Variants in MME observed in about 807,000 individuals in gnomAD.
The protein encoded by MME is membrane metalloendopeptidase.
In MME, 98 loss-of-function variants were observed where a neutral mutation model predicts 113.2. That is an observed-to-expected ratio of 0.87 (90% CI 0.74 to 1.02). The LOEUF (loss-of-function observed/expected upper bound fraction) is 1.02, where lower values mean the gene tolerates loss of function less well. Among genes scored for constraint, MME ranks in the 50% least tolerant of loss-of-function variants. The probability of loss-of-function intolerance (pLI) is 0.00; values close to 1 mark genes in which losing one functional copy is unlikely to be tolerated. For missense variants in MME, 836 were observed against 896.0 expected (o/e 0.93, Z 0.86); for synonymous variants, 292 against 300.6 (o/e 0.97, Z 0.30).
At chr3:155,174,984 G>T (rs763170428) in intron 22 of MME, among the ~76,000 whole-genome samples, 4 of 151,954 alleles carry the variant, frequency 2.6e-5, no homozygotes, top group Non-Finnish European at 5.9e-5. Flanking sequence ...AGAATGAGAG[G>T]TTGCAAATTA....
intron 3 of MME, among the ~76,000 whole-genome samples, chr3:155,092,832 G>A (rs956707076): frequency 6.6e-6 from 1 of 152,160 alleles, no homozygotes; most frequent in African/African-American, 2.4e-5. Context: ...AATATTGGTT[G>A]CCTGAGGCTG....
At position 155,109,310 on chromosome 3, in the gene MME, A is replaced by G. The variant is rs147101786; in HGVS notation, c.197-5684A>G. ...TGAGGAAGGGAGGTATTTTCCCTGC[A>G]TCATCCAGCTTCAGCACCCAGCGGG... On this transcript the variant is annotated intron_variant, in intron 3 of 22. Transcript: ENST00000360490. 4.2e-3 allele frequency among the ~76,000 whole-genome samples: 632 copies of G among 152,246 alleles called. 5 individuals carry two copies. Among genetic ancestry groups the G allele is most frequent in the African/African-American group, 0.014 (590 of 41,532 alleles).
At chr3:155,126,747 C>A (rs1339081864) in intron 8 of MME, among the ~76,000 whole-genome samples, 1 of 152,028 alleles carries the variant, frequency 6.6e-6, no homozygotes, top group Non-Finnish European at 1.5e-5. Context: ...TGCCTGTAAT[C>A]TCTGCACTTT....
intron 3 of MME, among the ~76,000 whole-genome samples, chr3:155,097,781 T>A (rs1051229362): frequency 2.6e-5 from 4 of 151,784 alleles, no homozygotes; most frequent in African/African-American, 9.7e-5. Flanking sequence ...CGCCTGGGAG[T>A]GAGCTGGTAG....
chr3:155,050,331 T>TGATAGATAA (rs1416552685), intron 1 of MME, among the ~76,000 whole-genome samples: 2 of 152,226 alleles, frequency 1.3e-5, no homozygotes, highest in African/African-American at 4.8e-5. Context: ...ATAATCTATA[T>TGATAGATAA]TCCTTTGGTT....
chr3:155,084,913 A>T, intron 2 of MME, 146 bp from the exon 3 acceptor site: 1 of 491,476 alleles, frequency 2.0e-6, no homozygotes. Flanking sequence ...TTTTCTAACC[A>T]CTGACAATGA....
intron 1 of MME, among the ~76,000 whole-genome samples, chr3:155,033,171 A>G (rs1018230302): frequency 2.0e-5 from 3 of 152,206 alleles, no homozygotes; most frequent in African/African-American, 7.2e-5. Flanking sequence ...GAGTTAAGCT[A>G]TAACCTAAGA....
At chr3:155,172,791 G>C (rs1038135596) in intron 22 of MME, among the ~76,000 whole-genome samples, 179 bp downstream of exon 22, 11 of 150,692 alleles carry the variant, frequency 7.3e-5, no homozygotes, top group African/African-American at 2.7e-4. Context: ...CATAAGCATA[G>C]CCTTGGCCAC....
intron 1 of MME, among the ~76,000 whole-genome samples, chr3:155,043,306 T>A (rs577349406): frequency 6.6e-6 from 1 of 151,594 alleles, no homozygotes; most frequent in Non-Finnish European, 1.5e-5. Context: ...ATTTTTGCAG[T>A]ATTACTTATG....
At chr3:155,045,523 C>CT (rs57902267) in intron 1 of MME, among the ~76,000 whole-genome samples, 12,256 of 138,462 alleles carry the variant, frequency 0.089, 1,009 homozygotes, top group African/African-American at 0.22. Context: ...AATTAATTAT[C>CT]TTTTTTTTTT....
chr3:155,077,894 CCTT>C (rs1472695185), upstream of MME, among the ~76,000 whole-genome samples: 1 of 151,574 alleles, frequency 6.6e-6, no homozygotes, highest in Non-Finnish European at 1.5e-5. Flanking sequence ...TTAAGTAAAT[CCTT>C]TTTTTTCCTT....
At chr3:155,075,112 G>A (rs1714703263), upstream of MME, among the ~76,000 whole-genome samples, 1 of 149,858 alleles carries the variant, frequency 6.7e-6, no homozygotes, top group African/African-American at 2.5e-5. Flanking sequence ...ATTATTTTTT[G>A]TAGTATTTAC....
At chr3:155,170,975 C>T (rs1711873072) in intron 20 of MME, among the ~76,000 whole-genome samples, 1 of 152,102 alleles carries the variant, frequency 6.6e-6, no homozygotes, top group Non-Finnish European at 1.5e-5. Flanking sequence ...TTAGTTGTTT[C>T]CACAAGAAGT....
At chr3:155,159,165 A>C (rs956633649) in intron 16 of MME, among the ~76,000 whole-genome samples, 5 of 152,102 alleles carry the variant, frequency 3.3e-5, no homozygotes, top group African/African-American at 1.2e-4. Context: ...CTGACAGCCC[A>C]AAATAGTTAC....
At position 155,148,582 on chromosome 3, in the gene MME, C is replaced by T; in HGVS notation, c.1530C>T (p.Asn510=). 6.2e-7 allele frequency: 1 copy of T among 1,611,712 alleles called. No individual in the cohort carries two copies. The highest frequency in any genetic ancestry group is 8.5e-7 in the Non-Finnish European group (1 of 1,178,164). ...ACAAAGAAGATGAATACTTCGAGAACATAATTCAAAATTTGAAATTCAGCC... is the reference window on the plus strand; with the variant it reads ...ACAAAGAAGATGAATACTTCGAGAATATAATTCAAAATTTGAAATTCAGCC... ...LNYKEDEYFE[N]IIQNLKFSQS... Residue 510 remains asparagine, a synonymous_variant, in exon 16 of 23, where the codon AAC becomes AAT. Coordinates refer to ENST00000360490, the MANE Select transcript of MME (RefSeq NM_007289.4).
At chr3:155,175,581 G>A (rs1576677218) in intron 22 of MME, among the ~76,000 whole-genome samples, 1 of 151,582 alleles carries the variant, frequency 6.6e-6, no homozygotes, top group South Asian at 2.1e-4. Context: ...AATATGTAAG[G>A]GTCTGATAAT....
chr3:155,051,890 C>T (rs761739515), intron 1 of MME, among the ~76,000 whole-genome samples: 2 of 152,156 alleles, frequency 1.3e-5, no homozygotes, highest in African/African-American at 4.8e-5. Flanking sequence ...AGGCAAGTCC[C>T]TTCCGCCTAT....
rs374912875 is a variant in MME, at chr3:155,063,348, A to C, written c.-10-20810A>C. Reference sequence around the variant, plus strand: ...ATATATATAAATATATAATTATATAATGTATATTATATTTATATATATTTA... The same window carrying C: ...ATATATATAAATATATAATTATATACTGTATATTATATTTATATATATTTA... On this transcript the variant is annotated intron_variant, in intron 1 of 22. Transcript: ENST00000492661. Among the ~76,000 whole-genome samples, 1,592 of 109,524 alleles carry C rather than the reference A, an allele frequency of 0.015. 71 individuals are homozygous for C. In the East Asian group the frequency reaches 0.16, roughly 11 times the overall value. The allele number at this position is 109,524 out of a possible 152,430, so 71.9% of individuals were successfully genotyped here.
rs748346111 is a variant in MME, at chr3:155,138,098, G to T, written c.721-4G>T. On this transcript the variant is annotated splice_region_variant and splice_polypyrimidine_tract_variant and intron_variant, in intron 8 of 22. Transcript: ENST00000360490. Reference sequence around the variant, plus strand: ...AACAGTTTAGTGCTATTTTTTTCTTGCAGGCTTGTACAGCATATGTGGATT... The same window carrying T: ...AACAGTTTAGTGCTATTTTTTTCTTTCAGGCTTGTACAGCATATGTGGATT... 6.2e-7 allele frequency: 1 copy of T among 1,613,260 alleles called. No individual in the cohort carries two copies. The highest frequency in any genetic ancestry group is 1.7e-5 in the Admixed American group (1 of 59,970).
Sources: allele counts gnomAD v4.1 joint callset (sites outside exome capture counted in the v4.1 genomes callset), GRCh38; gene constraint gnomAD v4.1.1; transcripts MANE v1.5; gene names NCBI Gene and HGNC (gene_info 2026-07-23, HGNC 2026-07-21).